Variants in TCF12 observed in about 807,000 individuals in gnomAD.
TCF12 encodes DNA-binding protein HTF4.
Under a neutral mutation model 86.0 loss-of-function variants are expected in TCF12, and 45 were observed. The ratio of observed to expected loss-of-function variants is 0.52; its 90% CI spans 0.41 to 0.67. TCF12 has a LOEUF of 0.67. Ranked by LOEUF, TCF12 falls within the 30% of genes least tolerant of loss-of-function variation. The pLI is 0.00. For missense variants in TCF12, 881 were observed against 859.9 expected, an observed-to-expected ratio of 1.02 and a Z score of -0.31; for synonymous variants, 330 against 299.6, an observed-to-expected ratio of 1.10 and a Z score of -1.05.
At chr15:56,967,074 A>G (rs182043669) in intron 3 of TCF12, among the ~76,000 whole-genome samples, 1 of 152,250 alleles carries the variant, frequency 6.6e-6, no homozygotes, top group East Asian at 1.9e-4. Context: ...GTGAGTCGAG[A>G]TCGTGCCACT....
intron 8 of TCF12, among the ~76,000 whole-genome samples, chr15:57,219,983 C>G (rs1227747051): frequency 5.9e-5 from 9 of 152,068 alleles, no homozygotes; most frequent in African/African-American, 2.2e-4. Flanking sequence ...GCCTCGGCCT[C>G]CCAAAATGCT....
intron 3 of TCF12, among the ~76,000 whole-genome samples, chr15:57,032,056 C>T (rs1044761979): frequency 2.0e-5 from 3 of 152,032 alleles, no homozygotes; most frequent in Admixed American, 6.6e-5. Flanking sequence ...TGACCTCTTT[C>T]GGGCAGGAGG....
chr15:57,071,201 G>C (rs557143160), intron 4 of TCF12, among the ~76,000 whole-genome samples: 1 of 151,196 alleles, frequency 6.6e-6, no homozygotes, highest in African/African-American at 2.4e-5. Flanking sequence ...GAGCCCAAGA[G>C]TTTGAGACCA....
At chr15:57,107,342 A>G (rs940751408) in intron 5 of TCF12, among the ~76,000 whole-genome samples, 4 of 149,130 alleles carry the variant, frequency 2.7e-5, no homozygotes, top group Non-Finnish European at 6.0e-5. Flanking sequence ...AAGACTATAT[A>G]TTGTGTAATT....
chr15:56,958,010 T>G (rs564438292), intron 3 of TCF12, among the ~76,000 whole-genome samples: 4 of 152,188 alleles, frequency 2.6e-5, no homozygotes, highest in African/African-American at 9.7e-5. Flanking sequence ...ATGTTGAGAA[T>G]AGGCACTATT....
intron 3 of TCF12, among the ~76,000 whole-genome samples, chr15:56,928,255 A>G (rs1400224429): frequency 1.3e-5 from 2 of 152,146 alleles, no homozygotes; most frequent in African/African-American, 2.4e-5. Context: ...AAGGTTATCT[A>G]TATATTTTTT....
chr15:57,197,256 A>T (rs1243440049), intron 7 of TCF12, among the ~76,000 whole-genome samples: 5 of 145,850 alleles, frequency 3.4e-5, no homozygotes, highest in Non-Finnish European at 7.4e-5. Flanking sequence ...TCCCGGGTTC[A>T]AGTGATTCTC....
At chr15:57,158,018 A>G (rs1373015093) in intron 5 of TCF12, among the ~76,000 whole-genome samples, 1 of 152,142 alleles carries the variant, frequency 6.6e-6, no homozygotes, top group Non-Finnish European at 1.5e-5. Flanking sequence ...AATGATGGAA[A>G]TGTAAACTGT....
intron 5 of TCF12, among the ~76,000 whole-genome samples, chr15:57,149,370 G>T (rs1260283637): frequency 1.3e-5 from 2 of 152,180 alleles, no homozygotes; most frequent in Non-Finnish European, 2.9e-5. Context: ...AAGAGAACTA[G>T]GAACTGGACA....
At chr15:57,267,272 TCTCA>T (rs2060913969) in intron 18 of TCF12, among the ~76,000 whole-genome samples, 1 of 152,150 alleles carries the variant, frequency 6.6e-6, no homozygotes, top group Admixed American at 6.5e-5. Context: ...CTTTTGACAT[TCTCA>T]CTGTTTTCAA....
chr15:57,000,943 A>T (rs1256762726), intron 3 of TCF12, among the ~76,000 whole-genome samples: 1 of 151,626 alleles, frequency 6.6e-6, no homozygotes, highest in African/African-American at 2.4e-5. Flanking sequence ...TTTTTCCTAG[A>T]AATAAATTTT....
intron 6 of TCF12, among the ~76,000 whole-genome samples, chr15:57,174,602 A>T (rs1040134174): frequency 1.3e-5 from 2 of 152,252 alleles, no homozygotes; most frequent in African/African-American, 4.8e-5. Flanking sequence ...GAATTTGCTG[A>T]TGACGTGTTT....
At chr15:57,143,613 T>TA (rs1373221355) in intron 5 of TCF12, among the ~76,000 whole-genome samples, 1 of 152,232 alleles carries the variant, frequency 6.6e-6, no homozygotes, top group Admixed American at 6.5e-5. Flanking sequence ...GTTTTCTGAC[T>TA]GGGGCCCTGT....
At chr15:57,090,746 GT>G (rs2048942177) in intron 4 of TCF12, among the ~76,000 whole-genome samples, 2 of 152,232 alleles carry the variant, frequency 1.3e-5, no homozygotes, top group South Asian at 4.1e-4. Flanking sequence ...AGCCAGGGTA[GT>G]TTTTTCTCTT....
intron 3 of TCF12, among the ~76,000 whole-genome samples, chr15:57,033,908 G>A (rs1425696660): frequency 6.6e-6 from 1 of 152,044 alleles, no homozygotes; most frequent in African/African-American, 2.4e-5. Flanking sequence ...GACATGTAAG[G>A]GTCCATGTAA....
At chr15:57,078,449 T>C (rs1415883813) in intron 4 of TCF12, among the ~76,000 whole-genome samples, 2 of 152,176 alleles carry the variant, frequency 1.3e-5, no homozygotes, top group African/African-American at 4.8e-5. Flanking sequence ...TTCAGTTTAT[T>C]AATATATTTT....
At position 57,253,313 on chromosome 15, in the gene TCF12, C is replaced by T. The variant is rs745478027; in HGVS notation, c.1312C>T (p.Leu438=). 8.1e-6 allele frequency: 13 copies of T among 1,613,992 alleles called. No individual in the cohort carries two copies. In the East Asian group the frequency reaches 2.9e-4, roughly 36 times the overall value. Reference sequence around the variant, plus strand: ...CAGACTGGATGATGCAATCCATGTGCTGCGGAACCATGCTGTGGGACCTTC... The same window carrying T: ...CAGACTGGATGATGCAATCCATGTGTTGCGGAACCATGCTGTGGGACCTTC... ...LDRLDDAIHV[L]RNHAVGPSTS... The change falls in exon 16 of 21, where the codon CTG becomes TTG. Residue 438 remains leucine (L), a synonymous_variant. Transcript: ENST00000333725.
chr15:57,218,692 CTT>C (rs2058439273), intron 8 of TCF12, among the ~76,000 whole-genome samples: 1 of 152,012 alleles, frequency 6.6e-6, no homozygotes, highest in Non-Finnish European at 1.5e-5. Flanking sequence ...ACATTATAAA[CTT>C]TTGATTGGTG....
At chr15:56,982,832 CTG>C (rs1231873939) in intron 3 of TCF12, among the ~76,000 whole-genome samples, 1 of 152,194 alleles carries the variant, frequency 6.6e-6, no homozygotes, top group Non-Finnish European at 1.5e-5. Context: ...CATTTATAGT[CTG>C]TCTTACCATA....
Sources: allele counts gnomAD v4.1 joint callset (sites outside exome capture counted in the v4.1 genomes callset), GRCh38; gene constraint gnomAD v4.1.1; transcripts MANE v1.5; gene names NCBI Gene and HGNC (gene_info 2026-07-23, HGNC 2026-07-21).